DESI2: variants seen among roughly 807,000 people sequenced by gnomAD.
DESI2 encodes desumoylating isopeptidase 2, also known as deubiquitinase DESI2.
Under a neutral mutation model 24.1 loss-of-function variants are expected in DESI2, and 10 were observed. The observed-to-expected ratio is 0.41, with a 90% CI of 0.26 to 0.70. The LOEUF is 0.70. DESI2 is among the 30% of genes least tolerant of loss of function. The pLI is 0.29. For synonymous variants in DESI2, 71 were observed against 87.7 expected (o/e 0.81, Z 1.06); for missense variants, 122 against 234.9 (o/e 0.52, Z 3.14).
intron 3 of DESI2, among the ~76,000 whole-genome samples, chr1:244,690,350 G>A (rs1676979968): frequency 6.6e-6 from 1 of 152,146 alleles, no homozygotes; most frequent in African/African-American, 2.4e-5. Flanking sequence ...ATAGTTTGCT[G>A]AGAATGAGAA....
At chr1:244,693,581 G>A (rs1273831382) in intron 4 of DESI2, among the ~76,000 whole-genome samples, 3 of 152,052 alleles carry the variant, frequency 2.0e-5, no homozygotes, top group East Asian at 1.9e-4. Context: ...ATAGGCACCC[G>A]CCACCACGCC....
At chr1:244,684,691 C>T (rs1052560411) in intron 1 of DESI2, among the ~76,000 whole-genome samples, 1 of 151,846 alleles carries the variant, frequency 6.6e-6, no homozygotes, top group South Asian at 2.1e-4. Context: ...AGCCATTTCT[C>T]TATTGATATT....
rs943337817 is a variant in DESI2, at chr1:244,653,204, C to G, written c.-110C>G. 22 of 1,169,618 alleles carry G rather than the reference C, an allele frequency of 1.9e-5. No homozygotes were observed. The highest frequency in any genetic ancestry group is 2.4e-5 in the Non-Finnish European group (21 of 878,694). The allele number at this position is 1,169,618 out of a possible 1,614,324, so 72.5% of individuals were successfully genotyped here. On this transcript the variant is annotated 5_prime_UTR_variant, in exon 1 of 5. The change creates a premature stop within an existing upstream ORF in the 5' untranslated region. Coordinates refer to ENST00000302550, the MANE Select transcript of DESI2 (RefSeq NM_016076.5). ...CCCGGCTGCCGCGGGCCGGGCTGTA[C>G]GCTTAGTGCCCGGCTCAGGCCCCCT...
chr1:244,694,281 T>C (rs1212792480), intron 4 of DESI2, among the ~76,000 whole-genome samples: 1 of 152,238 alleles, frequency 6.6e-6, no homozygotes, highest in East Asian at 1.9e-4. Flanking sequence ...CAGGCTAAAA[T>C]GGTTTTTACA....
chr1:244,670,069 G>A (rs1676196176), intron 1 of DESI2, among the ~76,000 whole-genome samples: 1 of 151,622 alleles, frequency 6.6e-6, no homozygotes, highest in Non-Finnish European at 1.5e-5. Flanking sequence ...TGATTCTCCT[G>A]TCCCAGCCTC....
intron 1 of DESI2, among the ~76,000 whole-genome samples, chr1:244,654,403 A>T (rs1311542232): frequency 1.3e-5 from 2 of 152,180 alleles, no homozygotes; most frequent in Non-Finnish European, 2.9e-5. Flanking sequence ...TACAGTTCTA[A>T]ACTTTGTATT....
chr1:244,689,222 TA>T lies in DESI2; in HGVS notation c.116-22del. ...TGGTTAAATTTTATGTGATACATAC[TA>T]AAAATCATGAGTTTTCTCTTTTCAG... On this transcript the variant is annotated intron_variant, in intron 2 of 4. Transcript: ENST00000302550. The surrounding 1 kb of genome is among the most constrained non-coding windows in gnomAD (Gnocchi z 4.0). 8.4e-7 allele frequency: 1 copy of T among 1,195,874 alleles called. No individual in the cohort carries two copies. The highest frequency in any genetic ancestry group is 2.3e-5 in the East Asian group (1 of 42,848). 74.1% of individuals were successfully genotyped at this position (1,195,874 alleles called of 1,614,324 possible).
intron 3 of DESI2, among the ~76,000 whole-genome samples, chr1:244,691,009 G>A (rs570951020): frequency 6.6e-6 from 1 of 152,186 alleles, no homozygotes. Flanking sequence ...AGGTTCCTTG[G>A]ATGCCTTTTA....
intron 4 of DESI2, among the ~76,000 whole-genome samples, chr1:244,692,515 T>C (rs1194673374): frequency 6.6e-6 from 1 of 151,972 alleles, no homozygotes; most frequent in Non-Finnish European, 1.5e-5. Flanking sequence ...TAAAGAACTA[T>C]AAAAAGAAAA....
intron 4 of DESI2, among the ~76,000 whole-genome samples, chr1:244,703,926 G>A (rs1418964779): frequency 2.6e-5 from 4 of 152,154 alleles, no homozygotes; most frequent in East Asian, 3.9e-4. Context: ...CCAAAGTGCT[G>A]GGAATTACAG....
At chr1:244,658,748 G>A (rs181751593) in intron 1 of DESI2, among the ~76,000 whole-genome samples, 13 of 152,156 alleles carry the variant, frequency 8.5e-5, no homozygotes, top group African/African-American at 2.9e-4. Context: ...TTGTACCTTT[G>A]CTTAAGTGCA....
intron 4 of DESI2, among the ~76,000 whole-genome samples, chr1:244,701,521 GGAT>G (rs1200752909): frequency 6.6e-6 from 1 of 152,144 alleles, no homozygotes; most frequent in African/African-American, 2.4e-5. Context: ...CGGAGAAAAA[GGAT>G]GATTCAGAGG....
chr1:244,669,125 C>G (rs1484992758), intron 1 of DESI2, among the ~76,000 whole-genome samples: 1 of 151,974 alleles, frequency 6.6e-6, no homozygotes, highest in Non-Finnish European at 1.5e-5. Context: ...CGTCAGCCCC[C>G]TGAGTAGCTG....
At chr1:244,663,809 G>C (rs1675939437) in intron 1 of DESI2, among the ~76,000 whole-genome samples, 1 of 151,724 alleles carries the variant, frequency 6.6e-6, no homozygotes, top group Admixed American at 6.6e-5. Flanking sequence ...ATGAGGTCAG[G>C]AGATCGAGAC....
intron 1 of DESI2, among the ~76,000 whole-genome samples, chr1:244,657,833 G>C (rs781726882): frequency 2.6e-5 from 4 of 152,206 alleles, no homozygotes; most frequent in Non-Finnish European, 5.9e-5. Context: ...ATGCACCTCT[G>C]TTCTTTTAAT....
intron 4 of DESI2, among the ~76,000 whole-genome samples, chr1:244,693,436 T>C (rs899034893): frequency 1.2e-5 from 1 of 83,648 alleles, no homozygotes; most frequent in African/African-American, 4.3e-5. Context: ...TTGTTTGTTC[T>C]TTTTTTTTTT....
intron 1 of DESI2, among the ~76,000 whole-genome samples, chr1:244,667,437 T>C (rs537900548): frequency 4.6e-5 from 7 of 152,282 alleles, no homozygotes; most frequent in African/African-American, 1.4e-4. Context: ...GGGTCTCACA[T>C]CCAGGTCACG....
intron 1 of DESI2, among the ~76,000 whole-genome samples, chr1:244,684,514 A>G (rs1174613107): frequency 6.6e-6 from 1 of 151,406 alleles, no homozygotes; most frequent in Non-Finnish European, 1.5e-5. Context: ...AAATGTGATC[A>G]TGCTACACAT....
chr1:244,700,052 A>C (rs1459112899), intron 4 of DESI2, among the ~76,000 whole-genome samples: 1 of 152,200 alleles, frequency 6.6e-6, no homozygotes, highest in Admixed American at 6.5e-5. Context: ...TCTGAAACAA[A>C]AACTCAAACT....
Sources: gnomAD v4.1 joint callset for allele counts (sites outside exome capture counted in the v4.1 genomes callset) on GRCh38, gnomAD v4.1.1 for gene constraint, Gnocchi (gnomAD v3.1) non-coding constraint, MANE v1.5 for transcripts, NCBI Gene and HGNC (gene_info 2026-07-23, HGNC 2026-07-21) for gene names.